Variants in PI4K2B observed in about 807,000 individuals in gnomAD.
PI4K2B encodes phosphatidylinositol 4-kinase type 2-beta.
PI4K2B carries 46 observed loss-of-function variants against 56.6 expected under a neutral mutation model. That is an observed-to-expected ratio of 0.81 (90% CI 0.64 to 1.04). The LOEUF is 1.04. Among genes scored for constraint, PI4K2B ranks in the 50% least tolerant of loss-of-function variants. The probability of loss-of-function intolerance (pLI) is 0.00; values close to 1 mark genes in which losing one functional copy is unlikely to be tolerated. For synonymous variants in PI4K2B, 211 were observed against 223.8 expected (o/e 0.94, Z 0.51); for missense variants, 556 against 607.7 (o/e 0.91, Z 0.89).
In PI4K2B at chr4:25,239,746, G is replaced by A. The variant is rs377368248; in HGVS notation, c.268+5315G>A. On this transcript the variant is annotated intron_variant, in intron 1 of 9. Transcript: ENST00000264864. ...GAGTGGGCGCCGAGGCCGAGGAGGC[G>A]CCGAGAGTGAGCGAGGGCTGCAAGG... Among the ~76,000 whole-genome samples the A allele has an allele frequency of 1.2e-3, 182 of 152,340 alleles. 2 individuals carry two copies. In the South Asian group the frequency reaches 0.022, roughly 18 times the overall value.
chr4:25,271,164 G>A (rs1254110923), intron 9 of PI4K2B, among the ~76,000 whole-genome samples: 1 of 152,228 alleles, frequency 6.6e-6, no homozygotes, highest in African/African-American at 2.4e-5. Context: ...TGAGTTTTAA[G>A]TAGTTAAGTG....
At chr4:25,271,856 T>C (rs1458507426) in intron 9 of PI4K2B, among the ~76,000 whole-genome samples, 1 of 152,192 alleles carries the variant, frequency 6.6e-6, no homozygotes, top group Non-Finnish European at 1.5e-5. Flanking sequence ...TTTTAAAAAA[T>C]ACCTGTCTGA....
At position 25,234,135 on chromosome 4, in the gene PI4K2B, T is replaced by G; in HGVS notation, c.-29T>G. The stretch of plus-strand genomic sequence containing the variant: ...CTGGCACCTGGCTGCTCTGATCTGG[T>G]CTCAGCGCGGAGGGAGCAGAGGGAG... On this transcript the variant is annotated 5_prime_UTR_variant, in exon 1 of 10. Transcript: ENST00000264864. The G allele has an allele frequency of 7.6e-7, 1 of 1,312,646 alleles. No individual in the cohort carries two copies. The highest frequency in any genetic ancestry group is 9.7e-7 in the Non-Finnish European group (1 of 1,027,560). 81.3% of individuals were successfully genotyped at this position (1,312,646 alleles called of 1,614,324 possible). A position where few individuals can be genotyped will look rare whatever the true frequency, so the allele number is the denominator to read the frequency against.
intron 1 of PI4K2B, among the ~76,000 whole-genome samples, chr4:25,241,497 G>A (rs929393983): frequency 6.6e-6 from 1 of 152,214 alleles, no homozygotes; most frequent in Non-Finnish European, 1.5e-5. Context: ...AAGTGGCAGG[G>A]TTGAGGGCCA....
At chr4:25,251,372 G>T (rs1037681633) in intron 1 of PI4K2B, among the ~76,000 whole-genome samples, 2 of 152,160 alleles carry the variant, frequency 1.3e-5, no homozygotes, top group Non-Finnish European at 2.9e-5. Context: ...TAATTCCGCT[G>T]CCCTGGTGCA....
At chr4:25,263,536 T>A (rs1475414549) in intron 6 of PI4K2B, among the ~76,000 whole-genome samples, 2 of 152,132 alleles carry the variant, frequency 1.3e-5, no homozygotes, top group Admixed American at 6.5e-5. Flanking sequence ...TGGTATAATA[T>A]GAAATTTTAA....
rs1170593046 is a variant in PI4K2B, at chr4:25,243,197, C to T, written c.268+8766C>T. ...GGCTCAGTGAGGGTGATGACATGAG[C>T]TGGCGCTTGCCCCGGGCACCCTCAG... On this transcript the variant is annotated intron_variant, in intron 1 of 9. Coordinates refer to ENST00000264864, the MANE Select transcript of PI4K2B (RefSeq NM_018323.4). Among the ~76,000 whole-genome samples, 3 of 152,288 alleles carry T rather than the reference C, an allele frequency of 2.0e-5. No homozygotes were observed. The East Asian group carries it at 5.8e-4, about 29-fold the overall frequency.
At chr4:25,258,067 T>C (rs1445800118) in intron 4 of PI4K2B, among the ~76,000 whole-genome samples, 1 of 152,224 alleles carries the variant, frequency 6.6e-6, no homozygotes, top group Non-Finnish European at 1.5e-5. Flanking sequence ...TATTAACTAG[T>C]AATCTTAGTA....
In PI4K2B at chr4:25,251,885, G is replaced by A. The variant is rs374595723; in HGVS notation, c.269-436G>A. Among the ~76,000 whole-genome samples the A allele has an allele frequency of 2.3e-4, 35 of 152,154 alleles. 1 individual carries two copies. In the East Asian group the frequency reaches 3.5e-3, roughly 15 times the overall value. Reference sequence around the variant, plus strand: ...ATTGCCCAGGCTGGAGTGCAGTGGCGCAATCTCTGCTCACTGCAACCTCCA... The same window carrying A: ...ATTGCCCAGGCTGGAGTGCAGTGGCACAATCTCTGCTCACTGCAACCTCCA... On this transcript the variant is annotated intron_variant, in intron 1 of 9. Transcript: ENST00000264864.
intron 1 of PI4K2B, among the ~76,000 whole-genome samples, chr4:25,241,150 G>T (rs1362115050): frequency 6.6e-6 from 1 of 152,236 alleles, no homozygotes; most frequent in Non-Finnish European, 1.5e-5. Flanking sequence ...CCACATTGCA[G>T]CATGGGCATG....
At chr4:25,256,520 T>A in intron 3 of PI4K2B, 23 bp from the exon 4 acceptor site, 1 of 1,600,654 alleles carries the variant, frequency 6.2e-7, no homozygotes, top group Non-Finnish European at 8.5e-7. Flanking sequence ...TTCTAACCAT[T>A]TTTCTGAATT....
intron 1 of PI4K2B, among the ~76,000 whole-genome samples, chr4:25,242,716 T>C (rs1034154771): frequency 1.1e-4 from 16 of 152,222 alleles, no homozygotes; most frequent in African/African-American, 3.9e-4. Context: ...TAATCCTTTA[T>C]GAGTTTTAGG....
chr4:25,234,937 C>A (rs1413356337), intron 1 of PI4K2B, among the ~76,000 whole-genome samples: 1 of 152,170 alleles, frequency 6.6e-6, no homozygotes, highest in South Asian at 2.1e-4. Context: ...CCACAGGGGG[C>A]AAAAGCAGTT....
At chr4:25,243,599 T>C (rs1715630498) in intron 1 of PI4K2B, among the ~76,000 whole-genome samples, 2 of 152,226 alleles carry the variant, frequency 1.3e-5, no homozygotes, top group Non-Finnish European at 2.9e-5. Context: ...AGGCCTTGCT[T>C]TTGGAGCTTT....
At chr4:25,267,926 G>T (rs1338622961) in intron 7 of PI4K2B, 1 of 944,330 alleles carries the variant, frequency 1.1e-6, no homozygotes, top group African/African-American at 1.8e-5. Context: ...CTCAGCTGTG[G>T]TATTCAATCT....
chr4:25,241,755 T>C (rs975996364), intron 1 of PI4K2B, among the ~76,000 whole-genome samples: 8 of 152,212 alleles, frequency 5.3e-5, no homozygotes, highest in African/African-American at 1.9e-4. Context: ...TACTTAGGTA[T>C]GCCACTGGTT....
Position 25,252,394 on chromosome 4 carries a change from G to A in PI4K2B, c.342G>A (p.Glu114=). ...PEFADIMLRA[E]QAIEVGIFPE... The stretch of plus-strand genomic sequence containing the variant: ...TTGCCGATATTATGCTGAGAGCAGA[G>A]CAAGCAATAGAAGTTGGAATTTTTC... Residue 114 remains glutamate, a synonymous_variant, in exon 2 of 10, where the codon GAG becomes GAA. Coordinates refer to ENST00000264864, the MANE Select transcript of PI4K2B (RefSeq NM_018323.4). The A allele has an allele frequency of 6.2e-7, 1 of 1,608,156 alleles. No individual in the cohort carries two copies. The highest frequency in any genetic ancestry group is 2.2e-5 in the East Asian group (1 of 44,848).
In PI4K2B at chr4:25,278,625, A is replaced by G. The variant is rs955266688; in HGVS notation, c.*1438A>G. On this transcript the variant is annotated 3_prime_UTR_variant, in exon 10 of 10. Transcript: ENST00000264864. Reference sequence around the variant, plus strand: ...AACCTGCGTTCTCCTACCTCTTCCAACCCTCCATTAGCTCAATTTTGAGAT... The same window carrying G: ...AACCTGCGTTCTCCTACCTCTTCCAGCCCTCCATTAGCTCAATTTTGAGAT... The G allele has an allele frequency of 1.3e-5, 2 of 152,576 alleles. No homozygotes were observed. Among genetic ancestry groups the G allele is most frequent in the Non-Finnish European group, 2.9e-5 (2 of 68,036 alleles). 9.5% of individuals were successfully genotyped at this position (152,576 alleles called of 1,614,324 possible).
rs1223738167 is a variant in PI4K2B at position 25,277,183 on chromosome 4, G to A, written c.1442G>A (p.Trp481Ter). Residue 481 changes from tryptophan to a stop codon, truncating the protein, a stop_gained, in exon 10 of 10, where the codon TGG (tryptophan) becomes TAG (stop). Coordinates refer to ENST00000264864, the MANE Select transcript of PI4K2B (RefSeq NM_018323.4). LOFTEE classifies it high-confidence loss of function. ...TGCAGGAAGCCATTTTTTTCCTCCT[G>A]GTAGTAAATGTCAGAGTAAGAGAAA... ...VNCRKPFFSS[W>*] 7 of 1,609,868 alleles carry A rather than the reference G, an allele frequency of 4.3e-6. No homozygotes were observed. The highest frequency in any genetic ancestry group is 5.9e-6 in the Non-Finnish European group (7 of 1,176,854).
Sources: allele counts gnomAD v4.1 joint callset (sites outside exome capture counted in the v4.1 genomes callset), GRCh38; gene constraint gnomAD v4.1.1; transcripts MANE v1.5; gene names NCBI Gene and HGNC (gene_info 2026-07-23, HGNC 2026-07-21).